Variants in ZFAT observed in about 807,000 individuals in gnomAD.
The protein encoded by ZFAT is zinc finger protein ZFAT.
ZFAT carries 64 observed loss-of-function variants against 117.7 expected under a neutral mutation model. The ratio of observed to expected loss-of-function variants is 0.54; its 90% confidence interval spans 0.44 to 0.67. The LOEUF (loss-of-function observed/expected upper bound fraction) is 0.67. Among genes scored for constraint, ZFAT ranks in the 30% least tolerant of loss-of-function variants. The pLI is 0.00. For missense variants in ZFAT, 1,433 were observed against 1,584.5 expected (o/e 0.90, Z 1.62); for synonymous variants, 679 against 615.0 (o/e 1.10, Z -1.54).
At chr8:134,539,499 T>C (rs1373017071) in intron 11 of ZFAT, among the ~76,000 whole-genome samples, 1 of 152,182 alleles carries the variant, frequency 6.6e-6, no homozygotes, top group Admixed American at 6.5e-5. Context: ...AAACAGAAAG[T>C]GCCAGATGAC....
chr8:134,616,334 A>C (rs1168287418), intron 3 of ZFAT, among the ~76,000 whole-genome samples: 1 of 151,908 alleles, frequency 6.6e-6, no homozygotes, highest in Non-Finnish European at 1.5e-5. Context: ...TTTTCTGCCC[A>C]CTCCCTTTTG....
At chr8:134,713,164 G>A, upstream of ZFAT, 1 of 306,948 alleles carries the variant, frequency 3.3e-6, no homozygotes, top group Non-Finnish European at 6.0e-6. Context: ...CGGAGGCCGT[G>A]CTTTTTATCC....
chr8:134,597,788 A>G (rs1827077750), intron 7 of ZFAT: 1 of 152,206 alleles, frequency 6.6e-6, no homozygotes, highest in Admixed American at 6.5e-5. Context: ...AAGAACTGCA[A>G]ATATCAGTAA....
chr8:134,594,326 T>C (rs1246766973), intron 7 of ZFAT, among the ~76,000 whole-genome samples: 2 of 152,226 alleles, frequency 1.3e-5, no homozygotes, highest in African/African-American at 4.8e-5. Context: ...TCCTCTACTT[T>C]AAAAGTACAC....
intron 7 of ZFAT, among the ~76,000 whole-genome samples, chr8:134,593,256 C>G (rs1826663508): frequency 6.6e-6 from 1 of 151,514 alleles, no homozygotes; most frequent in Non-Finnish European, 1.5e-5. Context: ...CTCTGATAGT[C>G]AGAAAGCAAT....
intron 10 of ZFAT, among the ~76,000 whole-genome samples, chr8:134,574,616 G>A (rs569362612): frequency 8.9e-4 from 136 of 152,102 alleles, no homozygotes; most frequent in African/African-American, 3.2e-3. Context: ...AGAGAGAGAC[G>A]GCAATGAAAA....
chr8:134,645,679 T>C (rs74402506), intron 2 of ZFAT, among the ~76,000 whole-genome samples: 366 of 152,364 alleles, frequency 2.4e-3, no homozygotes, highest in African/African-American at 8.4e-3. Flanking sequence ...ATAGGTAATC[T>C]TGAACATGCT....
intron 1 of ZFAT, among the ~76,000 whole-genome samples, chr8:134,694,065 C>T (rs1444771987): frequency 6.6e-6 from 1 of 152,164 alleles, no homozygotes; most frequent in East Asian, 1.9e-4. Flanking sequence ...CCATACTCCA[C>T]AAAAATATCA....
intron 11 of ZFAT, among the ~76,000 whole-genome samples, chr8:134,556,167 T>C (rs533760874): frequency 2.0e-4 from 31 of 152,230 alleles, no homozygotes; most frequent in Non-Finnish European, 4.0e-4. Flanking sequence ...ACATCACATT[T>C]GGTGGTCTTA....
chr8:134,509,658 C>T lies in ZFAT; in HGVS notation c.3453G>A (p.Val1151=), dbSNP rs755545839. 26 of 1,613,396 alleles carry T rather than the reference C, an allele frequency of 1.6e-5. No individual in the cohort carries two copies. ...ETHDATALAS[V]VAMAPGTVTV... ...TCACCGTCCCTGGTGCCATGGCAACCACCGAGGCAAGGGCAGTGGCGTCAT... is the reference window on the plus strand; with the variant it reads ...TCACCGTCCCTGGTGCCATGGCAACTACCGAGGCAAGGGCAGTGGCGTCAT... Residue 1151 remains valine (V), a synonymous_variant, in exon 15 of 16, where the codon GTG becomes GTA. Transcript: ENST00000377838.
chr8:134,703,446 G>T (rs1808882473), intron 1 of ZFAT, among the ~76,000 whole-genome samples: 1 of 152,246 alleles, frequency 6.6e-6, no homozygotes, highest in Non-Finnish European at 1.5e-5. Context: ...TGTGAGTAGT[G>T]CTGTGTGGCC....
chr8:134,484,250 A>G (rs1251571107), intron 15 of ZFAT, among the ~76,000 whole-genome samples: 1 of 152,228 alleles, frequency 6.6e-6, no homozygotes, highest in Admixed American at 6.5e-5. Flanking sequence ...TGCCCAGTCC[A>G]GTGCCACGCT....
chr8:134,668,053 C>A (rs991808539), intron 1 of ZFAT, among the ~76,000 whole-genome samples: 1 of 152,150 alleles, frequency 6.6e-6, no homozygotes, highest in Non-Finnish European at 1.5e-5. Context: ...GGCACTGAGG[C>A]TGGGGAAGGG....
At chr8:134,528,993 G>A (rs757098324) in intron 12 of ZFAT, among the ~76,000 whole-genome samples, 1 of 152,116 alleles carries the variant, frequency 6.6e-6, no homozygotes, top group Non-Finnish European at 1.5e-5. Context: ...ACTTACTGTC[G>A]GCACTCTCTG....
intron 3 of ZFAT, among the ~76,000 whole-genome samples, chr8:134,628,285 G>A (rs1829658651): frequency 6.6e-6 from 1 of 152,176 alleles, no homozygotes; most frequent in South Asian, 2.1e-4. Flanking sequence ...ACATGTACAA[G>A]AGATGGTGAG....
chr8:134,829,240 T>C, the ZFAT span, among the ~76,000 whole-genome samples: 1 of 152,264 alleles, frequency 6.6e-6, no homozygotes, highest in Non-Finnish European at 1.5e-5. Flanking sequence ...GTAAACTTTC[T>C]AAAAATATGA....
chr8:134,567,396 A>G (rs1824543635), intron 10 of ZFAT, among the ~76,000 whole-genome samples: 1 of 151,972 alleles, frequency 6.6e-6, no homozygotes, highest in African/African-American at 2.4e-5. Flanking sequence ...TTTCTTTCTT[A>G]GACAACAGCA....
chr8:134,816,789 T>C, the ZFAT span, among the ~76,000 whole-genome samples: 1 of 152,022 alleles, frequency 6.6e-6, no homozygotes, highest in Non-Finnish European at 1.5e-5. Context: ...GAGACCAGCC[T>C]GGCCAATATG....
the ZFAT span, among the ~76,000 whole-genome samples, chr8:134,737,098 T>A: frequency 6.6e-6 from 1 of 152,000 alleles, no homozygotes; most frequent in Admixed American, 6.5e-5. Flanking sequence ...CTGACTAACA[T>A]GGAGAAACCC....
Sources: allele counts gnomAD v4.1 joint callset (sites outside exome capture counted in the v4.1 genomes callset), GRCh38; gene constraint gnomAD v4.1.1; transcripts MANE v1.5; gene names NCBI Gene and HGNC (gene_info 2026-07-23, HGNC 2026-07-21).